PCDHA6: variants seen among roughly 807,000 people sequenced by gnomAD.
PCDHA6 encodes protocadherin alpha-6.
A neutral mutation model predicts 60.3 loss-of-function variants in PCDHA6; 55 were observed. That is an observed-to-expected ratio of 0.91 (90% CI 0.73 to 1.14). The LOEUF is 1.14. Among genes scored for constraint, PCDHA6 ranks in the 50% most tolerant of loss-of-function variants. The probability of loss-of-function intolerance (pLI) is 0.00; values close to 1 mark genes in which losing one functional copy is unlikely to be tolerated. For missense variants in PCDHA6, 1,327 were observed against 1,256.5 expected (o/e 1.06, Z -0.85); for synonymous variants, 652 against 557.9 (o/e 1.17, Z -2.38).
chr5:140,972,359 A>T (rs1466504264), intron 1 of PCDHA6, among the ~76,000 whole-genome samples: 3 of 151,418 alleles, frequency 2.0e-5, no homozygotes, highest in Non-Finnish European at 4.4e-5. Flanking sequence ...TATGTTGCAC[A>T]TGCTGTTAGT....
chr5:140,938,118 T>G (rs1554211986), intron 1 of PCDHA6, among the ~76,000 whole-genome samples: 1 of 152,178 alleles, frequency 6.6e-6, no homozygotes. Context: ...TCTCTCTTTT[T>G]TTAAAAAAAT....
intron 1 of PCDHA6, chr5:140,848,580 G>A: frequency 6.3e-7 from 1 of 1,595,144 alleles, no homozygotes; most frequent in Non-Finnish European, 8.6e-7. Flanking sequence ...GGTGGGGAGC[G>A]GCCAGCTCCA....
rs564306575 is a variant in PCDHA6, at chr5:140,927,833, A to G, written c.2395-51116A>G. On this transcript the variant is annotated intron_variant, in intron 1 of 3. Coordinates refer to ENST00000529310, the MANE Select transcript of PCDHA6 (RefSeq NM_018909.4). Reference sequence around the variant, plus strand: ...TTGGAGGCATACATTGAGGCGAGGGACGAAGGTGTCTTTGGTTTAGCTAGC... The same window carrying G: ...TTGGAGGCATACATTGAGGCGAGGGGCGAAGGTGTCTTTGGTTTAGCTAGC... 5.0e-6 allele frequency: 8 copies of G among 1,614,044 alleles called. No individual in the cohort carries two copies. Among genetic ancestry groups the G allele is most frequent in the African/African-American group, 4.0e-5 (3 of 74,914 alleles).
chr5:140,910,766 T>C (rs2075154722), intron 1 of PCDHA6, among the ~76,000 whole-genome samples: 2 of 152,198 alleles, frequency 1.3e-5, no homozygotes, highest in South Asian at 2.1e-4. Context: ...CTTTTTAAAC[T>C]CCCCAAGCTG....
chr5:140,842,517 C>T (rs2150337878), intron 1 of PCDHA6: 7 of 1,613,506 alleles, frequency 4.3e-6, no homozygotes, highest in South Asian at 1.1e-5. Context: ...AAGCTGGTGT[C>T]CACCTTCAAG....
chr5:140,849,319 G>A, intron 1 of PCDHA6: 1 of 1,331,850 alleles, frequency 7.5e-7, no homozygotes, highest in Non-Finnish European at 1.0e-6. Flanking sequence ...GGCTTGAATG[G>A]GGATATTATT....
At chr5:140,835,905 G>T (rs1270383213) in intron 1 of PCDHA6, 2 of 1,612,070 alleles carry the variant, frequency 1.2e-6, no homozygotes, top group Admixed American at 1.7e-5. Flanking sequence ...GTCGAGCTAC[G>T]TGTCAGTGCA....
At chr5:140,979,966 A>G (rs1029035910) in intron 2 of PCDHA6, among the ~76,000 whole-genome samples, 7 of 152,258 alleles carry the variant, frequency 4.6e-5, no homozygotes, top group Non-Finnish European at 7.3e-5. Context: ...TTAGCCCATT[A>G]AAATGCATTA....
chr5:140,848,506 C>A (rs1229499943), intron 1 of PCDHA6: 1 of 1,588,430 alleles, frequency 6.3e-7, no homozygotes. Context: ...ATGTTATACT[C>A]AAGTCGAGGA....
intron 3 of PCDHA6, among the ~76,000 whole-genome samples, chr5:140,993,468 A>T (rs1327306188): frequency 7.2e-5 from 5 of 69,412 alleles, no homozygotes; most frequent in Non-Finnish European, 1.2e-4. Flanking sequence ...TTTCTCACAC[A>T]CACACACACA....
At chr5:140,938,476 T>A (rs1393084209) in intron 1 of PCDHA6, among the ~76,000 whole-genome samples, 2 of 152,194 alleles carry the variant, frequency 1.3e-5, no homozygotes, top group African/African-American at 2.4e-5. Context: ...TTATGTTTTT[T>A]AAAAATCATG....
At chr5:140,875,648 T>C in intron 1 of PCDHA6, 1 of 1,613,728 alleles carries the variant, frequency 6.2e-7, no homozygotes, top group Non-Finnish European at 8.5e-7. Flanking sequence ...CTGGCGGAGC[T>C]GGTGCCGCGC....
chr5:140,875,460 C>T (rs1380748731), intron 1 of PCDHA6: 2 of 1,598,406 alleles, frequency 1.3e-6, no homozygotes, highest in Middle Eastern at 1.7e-4. Flanking sequence ...CTCAGAGGCC[C>T]TCATTTTCTG....
At chr5:140,889,949 A>G (rs1444545834) in intron 1 of PCDHA6, among the ~76,000 whole-genome samples, 1 of 152,202 alleles carries the variant, frequency 6.6e-6, no homozygotes, top group South Asian at 2.1e-4. Flanking sequence ...GAGAAGCCAA[A>G]TGGATAGAAA....
rs73793515 is a variant in PCDHA6 at position 140,889,833 on chromosome 5, T to C, written c.2394+59348T>C. ...TCAGGTCATAAGAAGTCTTACAGTA[T>C]GCTTTGGTCTCTGAGAATATTTGTT... On this transcript the variant is annotated intron_variant, in intron 1 of 3. Coordinates refer to ENST00000529310, the MANE Select transcript of PCDHA6 (RefSeq NM_018909.4). Among the ~76,000 whole-genome samples, 1,245 of 152,254 alleles carry C rather than the reference T, an allele frequency of 8.2e-3. 11 individuals are homozygous for C. The highest frequency in any genetic ancestry group is 0.029 in the African/African-American group (1,203 of 41,548).
intron 1 of PCDHA6, among the ~76,000 whole-genome samples, chr5:140,924,446 G>A (rs1554201951): frequency 6.6e-6 from 1 of 152,110 alleles, no homozygotes; most frequent in African/African-American, 2.4e-5. Context: ...ATAACGAATG[G>A]GTTTGTGTGT....
intron 1 of PCDHA6, chr5:140,882,570 A>G (rs1562776435): frequency 6.2e-7 from 1 of 1,614,240 alleles, no homozygotes. Flanking sequence ...CGGAGCGCGG[A>G]GTGCAGCATC....
Position 141,010,240 on chromosome 5 carries a change from G to A in PCDHA6, c.*303G>A. The A allele has an allele frequency of 6.4e-7, 1 of 1,551,928 alleles. No homozygotes were observed. The highest frequency in any genetic ancestry group is 8.7e-7 in the Non-Finnish European group (1 of 1,147,042). ...GGCTTCCCAGCCCCGCCAGTGAGAGGTTGGACTCTCTGCCCTGTGCTCCGG... is the reference window on the plus strand; with the variant it reads ...GGCTTCCCAGCCCCGCCAGTGAGAGATTGGACTCTCTGCCCTGTGCTCCGG... On this transcript the variant is annotated 3_prime_UTR_variant, in exon 4 of 4. Coordinates refer to ENST00000529310, the MANE Select transcript of PCDHA6 (RefSeq NM_018909.4).
At chr5:140,876,209 G>A in intron 1 of PCDHA6, 1 of 1,613,924 alleles carries the variant, frequency 6.2e-7, no homozygotes. Flanking sequence ...GATAAGCCCA[G>A]CTATAAAGTA....
Sources: gnomAD v4.1 joint callset for allele counts (sites outside exome capture counted in the v4.1 genomes callset) on GRCh38, gnomAD v4.1.1 for gene constraint, MANE v1.5 for transcripts, NCBI Gene and HGNC (gene_info 2026-07-23, HGNC 2026-07-21) for gene names.